The following GRIK1 variants were observed in gnomAD, a reference collection of about 807,000 sequenced individuals.
The protein encoded by GRIK1 is glutamate ionotropic receptor kainate type subunit 1, also known as glutamate receptor ionotropic, kainate 1.
Under a neutral mutation model 105.7 loss-of-function variants are expected in GRIK1, and 69 were observed. The observed-to-expected ratio is 0.65, with a 90% CI of 0.54 to 0.80. GRIK1 has a LOEUF of 0.80. Ranked by LOEUF, GRIK1 falls within the 30% of genes least tolerant of loss-of-function variation. GRIK1 has a pLI of 0.00. For synonymous variants in GRIK1, 438 were observed against 431.3 expected (o/e 1.02, Z -0.19); for missense variants, 1,109 against 1,167.3 (o/e 0.95, Z 0.73).
intron 7 of GRIK1, among the ~76,000 whole-genome samples, chr21:29,624,211 T>A (rs966295891): frequency 6.6e-6 from 1 of 152,206 alleles, no homozygotes; most frequent in Non-Finnish European, 1.5e-5. Context: ...AGAAAAATGT[T>A]TATTTTTCCC....
intron 1 of GRIK1, among the ~76,000 whole-genome samples, chr21:29,694,699 G>T (rs904852516): frequency 2.2e-4 from 34 of 152,266 alleles, no homozygotes; most frequent in Admixed American, 4.6e-4. Context: ...GACAAGAATT[G>T]CACCATGCTC....
At chr21:29,757,437 A>C (rs2065378620) in intron 1 of GRIK1, among the ~76,000 whole-genome samples, 1 of 152,232 alleles carries the variant, frequency 6.6e-6, no homozygotes, top group Non-Finnish European at 1.5e-5. Flanking sequence ...AGTAAACTAC[A>C]CTACTTCTGT....
intron 3 of GRIK1, among the ~76,000 whole-genome samples, chr21:29,687,937 T>C (rs1038096735): frequency 6.6e-6 from 1 of 152,246 alleles, no homozygotes; most frequent in African/African-American, 2.4e-5. Context: ...ATGATTATAC[T>C]ACAGAGTTCA....
At chr21:29,706,826 T>C (rs1265249047) in intron 1 of GRIK1, among the ~76,000 whole-genome samples, 1 of 152,240 alleles carries the variant, frequency 6.6e-6, no homozygotes, top group Non-Finnish European at 1.5e-5. Context: ...CACGTATTTT[T>C]AAATGTGCTG....
intron 1 of GRIK1, among the ~76,000 whole-genome samples, chr21:29,866,903 G>A (rs2068821847): frequency 6.6e-6 from 1 of 152,118 alleles, no homozygotes; most frequent in Admixed American, 6.6e-5. Flanking sequence ...GAATATCTAC[G>A]TGGCCTTTTG....
At chr21:29,732,158 A>G (rs2064646631) in intron 1 of GRIK1, among the ~76,000 whole-genome samples, 1 of 152,226 alleles carries the variant, frequency 6.6e-6, no homozygotes, top group Non-Finnish European at 1.5e-5. Flanking sequence ...AAGTAGGGTA[A>G]TAAAGTATCC....
At chr21:29,658,040 T>A (rs2062887836) in intron 4 of GRIK1, among the ~76,000 whole-genome samples, 1 of 152,196 alleles carries the variant, frequency 6.6e-6, no homozygotes, top group Non-Finnish European at 1.5e-5. Flanking sequence ...GACCAAATGG[T>A]GCTGACCTAG....
At chr21:29,584,486 C>CA (rs1464276150) in intron 12 of GRIK1, among the ~76,000 whole-genome samples, 1 of 152,096 alleles carries the variant, frequency 6.6e-6, no homozygotes, top group Non-Finnish European at 1.5e-5. Flanking sequence ...AACCACAAAA[C>CA]AAAAACCCTG....
intron 3 of GRIK1, among the ~76,000 whole-genome samples, chr21:29,677,426 G>C (rs1376504348): frequency 6.6e-6 from 1 of 152,070 alleles, no homozygotes; most frequent in Non-Finnish European, 1.5e-5. Context: ...GCTAAGCTCT[G>C]CATATAGATA....
chr21:29,750,238 C>CTCCT (rs1390529556), intron 1 of GRIK1, among the ~76,000 whole-genome samples: 17 of 137,838 alleles, frequency 1.2e-4, no homozygotes, highest in African/African-American at 2.9e-5. Context: ...CCTTCCCTTC[C>CTCCT]TCCCTCCCTC....
intron 1 of GRIK1, among the ~76,000 whole-genome samples, chr21:29,824,704 A>T (rs567108001): frequency 6.7e-6 from 1 of 149,178 alleles, no homozygotes; most frequent in East Asian, 2.0e-4. Flanking sequence ...TTGCACGTGA[A>T]TTCAGAGGAC....
chr21:29,827,278 C>G (rs1239234926), intron 1 of GRIK1, among the ~76,000 whole-genome samples: 1 of 151,942 alleles, frequency 6.6e-6, no homozygotes, highest in Non-Finnish European at 1.5e-5. Flanking sequence ...AGGCCCTAGA[C>G]AAAAATTATT....
intron 1 of GRIK1, among the ~76,000 whole-genome samples, chr21:29,931,495 C>T (rs372953059): frequency 6.6e-5 from 10 of 152,288 alleles, no homozygotes; most frequent in Middle Eastern, 6.8e-3. Context: ...TCTACCACTG[C>T]TGATGCTAAC....
At chr21:29,635,528 C>T (rs867289449) in intron 7 of GRIK1, among the ~76,000 whole-genome samples, 35 of 152,194 alleles carry the variant, frequency 2.3e-4, no homozygotes, top group African/African-American at 7.2e-4. Flanking sequence ...CAGCTGAAGA[C>T]GCAGAAGACC....
At chr21:29,914,342 G>C (rs462287) in intron 1 of GRIK1, among the ~76,000 whole-genome samples, 35,526 of 152,032 alleles carry the variant, frequency 0.23, 4,959 homozygotes, top group African/African-American at 0.39. Flanking sequence ...TGACAAGATG[G>C]AAGGAAAGAT....
chr21:29,867,904 A>AAG (rs1491072291), intron 1 of GRIK1, among the ~76,000 whole-genome samples: 2 of 57,350 alleles, frequency 3.5e-5, no homozygotes, highest in Non-Finnish European at 7.7e-5. Context: ...GAGAGAGAGA[A>AAG]AGAAAGAGAG....
chr21:29,587,099 G>A (rs573280955), intron 12 of GRIK1, among the ~76,000 whole-genome samples: 1 of 152,126 alleles, frequency 6.6e-6, no homozygotes, highest in Non-Finnish European at 1.5e-5. Flanking sequence ...AAGGAAAATG[G>A]CTAAATAACC....
At chr21:29,931,389 T>G (rs1403454977) in intron 1 of GRIK1, among the ~76,000 whole-genome samples, 1 of 152,130 alleles carries the variant, frequency 6.6e-6, no homozygotes, top group Non-Finnish European at 1.5e-5. Flanking sequence ...TATTTTCTCA[T>G]TAGTAGAGTA....
At chr21:29,707,007 G>A (rs1232669519) in intron 1 of GRIK1, among the ~76,000 whole-genome samples, 1 of 152,178 alleles carries the variant, frequency 6.6e-6, no homozygotes, top group Non-Finnish European at 1.5e-5. Context: ...TTGGACTACA[G>A]GTGCCCGCCA....
Sources: allele counts gnomAD v4.1 joint callset (sites outside exome capture counted in the v4.1 genomes callset), GRCh38; gene constraint gnomAD v4.1.1; transcripts MANE v1.5; gene names NCBI Gene and HGNC (gene_info 2026-07-23, HGNC 2026-07-21).